CC2D1B: variants seen among roughly 807,000 people sequenced by gnomAD.
The protein encoded by CC2D1B is coiled-coil and C2 domain-containing protein 1B.
Under a neutral mutation model 110.8 loss-of-function variants are expected in CC2D1B, and 92 were observed. That is an observed-to-expected ratio of 0.83 (90% CI 0.70 to 0.99). The LOEUF (loss-of-function observed/expected upper bound fraction) is 0.99, where lower values mean the gene tolerates loss of function less well. CC2D1B is among the 50% of genes least tolerant of loss of function. The probability of loss-of-function intolerance (pLI) is 0.00; values close to 1 mark genes in which losing one functional copy is unlikely to be tolerated. For synonymous variants in CC2D1B, 406 were observed against 429.2 expected, an observed-to-expected ratio of 0.95 and a Z score of 0.67; for missense variants, 1,136 against 1,089.0, an observed-to-expected ratio of 1.04 and a Z score of -0.61.
At position 52,356,419 on chromosome 1, in the gene CC2D1B, C is replaced by G; in HGVS notation, c.1902G>C (p.Gln634His). 1 of 1,614,246 alleles carries G rather than the reference C, an allele frequency of 6.2e-7. No individual in the cohort carries two copies. Among genetic ancestry groups the G allele is most frequent in the South Asian group, 1.1e-5 (1 of 91,084 alleles). ...QQEKCLLFSK[Q>H]FMHQGNVAET... ...CAGCCACGTTGCCCTGGTGCATGAA[C>G]TGCTTGGAGAACAGCAGGCACTTCT... Residue 634 changes from glutamine (Q) to histidine (H), a missense_variant, in exon 17 of 25, where the codon CAG becomes CAC. Gln to His is a conservative substitution (Grantham distance 24). Transcript: ENST00000284376.
chr1:52,354,250 A>T, intron 23 of CC2D1B: 1 of 424,574 alleles, frequency 2.4e-6, no homozygotes, highest in Non-Finnish European at 4.5e-6. Flanking sequence ...ATAGGTTATC[A>T]GTAAGGAGCT....
At position 52,362,545 on chromosome 1, in the gene CC2D1B, C is replaced by T; in HGVS notation, c.214+57G>A. ...TCCAGCTGCAAGGGAACCCCTCTAC[C>T]ACCAGCCTGTGCCCATCTTGTCCCA... is the stretch of plus-strand genomic sequence containing the variant. On this transcript the variant is annotated intron_variant, in intron 3 of 24. Transcript: ENST00000284376. 2.5e-6 allele frequency: 4 copies of T among 1,605,114 alleles called. No homozygotes were observed. In the Admixed American group the frequency reaches 5.0e-5, roughly 20 times the overall value.
At chr1:52,354,814 G>A in intron 22 of CC2D1B, 26 bp downstream of exon 22, 1 of 1,608,778 alleles carries the variant, frequency 6.2e-7, no homozygotes, top group Admixed American at 1.7e-5. Context: ...CGGCCCGTGT[G>A]GCAGCATGAC....
chr1:52,360,491 T>C lies in CC2D1B; in HGVS notation c.536A>G (p.Glu179Gly). ...TGCCTCCTTGGCACTGGCCGCAGCC[T>C]CTCGGTAGTTGTGAATCCGTTCCTC... ...LLEERIHNYR[E>G]AAASAKEAGE... Residue 179 changes from glutamate to glycine, a missense_variant, in exon 6 of 25, where the codon GAG (glutamate) becomes GGG (glycine). Glu to Gly is a moderately conservative substitution (Grantham distance 98). Transcript: ENST00000284376. 6.2e-7 allele frequency: 1 copy of C among 1,614,076 alleles called. No homozygotes were observed. Among genetic ancestry groups the C allele is most frequent in the Non-Finnish European group, 8.5e-7 (1 of 1,180,036 alleles).
chr1:52,359,043 T>A lies in CC2D1B; in HGVS notation c.1241A>T (p.His414Leu). Residue 414 changes from histidine (H) to leucine (L), a missense_variant, in exon 11 of 25, where the codon CAT becomes CTT. His to Leu is a moderately conservative substitution (Grantham distance 99, BLOSUM62 -3). Transcript: ENST00000284376. ...SGGDERKARM[H>L]ERIAKQYQDA... ...CGGGCCCACCTTGGCAATGCGCTCA[T>A]GCATCCGAGCCTTGCGCTCGTCCCC... 3 of 1,607,078 alleles carry A rather than the reference T, an allele frequency of 1.9e-6. No individual in the cohort carries two copies. The highest frequency in any genetic ancestry group is 2.5e-6 in the Non-Finnish European group (3 of 1,179,938).
chr1:52,353,490 G>T (rs1331628441), intron 24 of CC2D1B, 28 bp downstream of exon 24: 1 of 1,588,628 alleles, frequency 6.3e-7, no homozygotes, highest in South Asian at 1.1e-5. Flanking sequence ...AGGGGGCAAA[G>T]GTTCTGAAGG....
Position 52,352,398 on chromosome 1 carries a change from T to C in CC2D1B, c.*827A>G, listed in dbSNP as rs1466756481. 6.6e-6 allele frequency: 1 copy of C among 152,666 alleles called. No individual in the cohort carries two copies. Among genetic ancestry groups the C allele is most frequent in the Non-Finnish European group, 1.5e-5 (1 of 68,042 alleles). The allele number at this position is 152,666 out of a possible 1,614,324, so 9.5% of individuals were successfully genotyped here. A position where few individuals can be genotyped will look rare whatever the true frequency, so the allele number is the denominator to read the frequency against. On this transcript the variant is annotated 3_prime_UTR_variant, in exon 25 of 25. Transcript: ENST00000284376. ...GAAGCCACAGCAGCCGTTTGTCATG[T>C]TACTGCTACCCTGGCTTTTAAAAAG...
chr1:52,357,203 AAACT>A (rs1250889967), intron 15 of CC2D1B, 77 bp from the exon 16 acceptor site: 5 of 1,530,974 alleles, frequency 3.3e-6, no homozygotes, highest in Non-Finnish European at 8.9e-7. Flanking sequence ...GCAGGAGCCC[AAACT>A]AAGTAATTCT....
chr1:52,354,649 C>G lies in CC2D1B; in HGVS notation c.2389G>C (p.Glu797Gln). ...ATCTCACACTCATTCTCCAGCCGCT[C>G]CAGTTTCAGGTGTGCTGTGCCAACC... The part of the protein sequence containing the change: ...KLVGTAHLKL[E>Q]RLENECEIRE... Residue 797 changes from glutamate (E) to glutamine (Q), a missense_variant, in exon 23 of 25, where the codon GAG becomes CAG. By Grantham distance (29) the Glu-to-Gln change is conservative. Transcript: ENST00000284376. 1.2e-6 allele frequency: 2 copies of G among 1,614,228 alleles called. No homozygotes were observed. The highest frequency in any genetic ancestry group is 1.3e-5 in the African/African-American group (1 of 75,062).
rs534952285 is a variant in CC2D1B at position 52,361,612 on chromosome 1, G to T, written c.219C>A (p.Pro73=). The change falls in exon 4 of 25, where the codon CCC becomes CCA. Residue 73 remains proline (P), a synonymous_variant. Transcript: ENST00000284376. ...ACTTCTCGATGTGGGCCATGGGCAG[G>T]GGGGCTGGGGGAAAAAGGTCACAAC... ...GKKPAPKGQA[P]LPMAHIEKLA... is the part of the protein sequence containing the mutation. 1.2e-6 allele frequency: 2 copies of T among 1,613,594 alleles called. No homozygotes were observed. Among genetic ancestry groups the T allele is most frequent in the African/African-American group, 1.3e-5 (1 of 74,910 alleles).
Position 52,361,051 on chromosome 1 carries a change from C to T in CC2D1B, c.400G>A (p.Glu134Lys). The change falls in exon 5 of 25, where the codon GAG becomes AAG. Residue 134 changes from glutamate (E) to lysine (K), a missense_variant. Coordinates refer to ENST00000284376, the MANE Select transcript of CC2D1B (RefSeq NM_001330585.2). ...GDEVADPGGS[E>K]EENGLEDTEP... is the part of the protein sequence containing the mutation. ...GTGTCTTCTAGGCCGTTCTCCTCCT[C>T]AGAGCCGCCTGGGTCAGCTACCTCA... is the stretch of plus-strand genomic sequence containing the variant. 2 of 1,614,170 alleles carry T rather than the reference C, an allele frequency of 1.2e-6. No individual in the cohort carries two copies. Among genetic ancestry groups the T allele is most frequent in the East Asian group, 2.2e-5 (1 of 44,874 alleles).
At chr1:52,364,872 C>G (rs1388725025) in intron 1 of CC2D1B, among the ~76,000 whole-genome samples, 1 of 152,170 alleles carries the variant, frequency 6.6e-6, no homozygotes, top group African/African-American at 2.4e-5. Context: ...AAAGCACATT[C>G]AGGGAAGTAC....
At chr1:52,360,318 C>A in intron 6 of CC2D1B, 85 bp from the exon 7 acceptor site, 1 of 1,594,776 alleles carries the variant, frequency 6.3e-7, no homozygotes, top group Non-Finnish European at 8.5e-7. Context: ...GGCCCCCCAA[C>A]CCCCAAAGTC....
rs780194065 is a variant in CC2D1B, at chr1:52,359,545, TG to T, written c.943-12del. The T allele has an allele frequency of 3.5e-5, 57 of 1,612,936 alleles. No individual in the cohort carries two copies. The East Asian group carries it at 1.2e-3, about 35-fold the overall frequency. On this transcript the variant is annotated splice_polypyrimidine_tract_variant and intron_variant, in intron 8 of 24. Coordinates refer to ENST00000284376, the MANE Select transcript of CC2D1B (RefSeq NM_001330585.2). ...GACAGCACCGAATCTCTGCAGAAGT[TG>T]GAAAAGCAGGTGTGGGTGAAAGACA... is the stretch of plus-strand genomic sequence containing the variant.
rs528109121 is a variant in CC2D1B, at chr1:52,358,398, G to A, written c.1394C>T (p.Thr465Ile). 3.0e-5 allele frequency: 49 copies of A among 1,614,140 alleles called. 2 individuals are homozygous for A. The South Asian group carries it at 5.0e-4, about 17-fold the overall frequency. The change falls in exon 13 of 25, where the codon ACA (threonine) becomes ATA (isoleucine). Residue 465 changes from threonine to isoleucine, a missense_variant. Transcript: ENST00000284376. ...MGVEEDAVAA[T>I]LAAAEKLASA... ...GGCCAGTTTCTCTGCAGCTGCCAAT[G>A]TCGCTGCCACTGCGTCCTCCTCAAC...
At chr1:52,359,219 C>G in intron 10 of CC2D1B, 31 bp downstream of exon 10, 1 of 1,610,926 alleles carries the variant, frequency 6.2e-7, no homozygotes, top group Non-Finnish European at 8.5e-7. Flanking sequence ...CCTGCAGGTC[C>G]CCACGCCACA....
chr1:52,353,892 T>G, intron 23 of CC2D1B: 1 of 403,928 alleles, frequency 2.5e-6, no homozygotes, highest in Non-Finnish European at 4.5e-6. Flanking sequence ...TCTGTTCATT[T>G]TCTCCTCAAT....
Position 52,356,701 on chromosome 1 carries a change from A to G in CC2D1B, c.1879-259T>C. ...AACCTAACTCAAACATCCCCTCAGA[A>G]GGCAGCCTTTCCAGAACAGGTGGCA... On this transcript the variant is annotated intron_variant, in intron 16 of 24. Coordinates refer to ENST00000284376, the MANE Select transcript of CC2D1B (RefSeq NM_001330585.2). 3 of 603,258 alleles carry G rather than the reference A, an allele frequency of 5.0e-6. No individual in the cohort carries two copies. The South Asian group carries it at 6.2e-5, about 13-fold the overall frequency. 37.4% of individuals were successfully genotyped at this position (603,258 alleles called of 1,614,324 possible). A position where few individuals can be genotyped will look rare whatever the true frequency, so the allele number is the denominator to read the frequency against.
In CC2D1B at chr1:52,351,145, CT is replaced by C. The variant is rs1646525188; in HGVS notation, c.*2079del. ...GCATGCCTTTGGCTACAACAAAGGC[CT>C]TTTAAGAACTTCAATCTCCAAGTCT... On this transcript the variant is annotated 3_prime_UTR_variant, in exon 25 of 25. Coordinates refer to ENST00000284376, the MANE Select transcript of CC2D1B (RefSeq NM_001330585.2). The C allele has an allele frequency of 1.3e-5, 2 of 152,208 alleles. No homozygotes were observed. The highest frequency in any genetic ancestry group is 1.3e-4 in the Admixed American group (2 of 15,288). The allele number at this position is 152,208 out of a possible 1,614,324, so 9.4% of individuals were successfully genotyped here.
Sources: gnomAD v4.1 joint callset for allele counts (sites outside exome capture counted in the v4.1 genomes callset) on GRCh38, gnomAD v4.1.1 for gene constraint, MANE v1.5 for transcripts, NCBI Gene and HGNC (gene_info 2026-07-23, HGNC 2026-07-21) for gene names.